RTN4: variants seen among roughly 807,000 people sequenced by gnomAD.
The protein encoded by RTN4 is reticulon 4, also known as reticulon-4.
Under a neutral mutation model 90.4 loss-of-function variants are expected in RTN4, and 32 were observed. That is an observed-to-expected ratio of 0.35 (90% CI 0.27 to 0.48). The LOEUF (loss-of-function observed/expected upper bound fraction) is 0.48, where lower values mean the gene tolerates loss of function less well. Ranked by LOEUF, RTN4 falls within the 20% of genes least tolerant of loss-of-function variation. RTN4 has a pLI of 0.99. For synonymous variants in RTN4, 629 were observed against 552.5 expected (o/e 1.14, Z -1.94); for missense variants, 1,706 against 1,430.2 (o/e 1.19, Z -3.11).
chr2:55,085,708 T>C (rs935180694), intron 1 of RTN4, among the ~76,000 whole-genome samples: 7 of 152,128 alleles, frequency 4.6e-5, no homozygotes, highest in Admixed American at 6.6e-5. Flanking sequence ...CCAATCTACA[T>C]AGAAAAAAAT....
the RTN4 span, among the ~76,000 whole-genome samples, chr2:55,119,402 T>C: frequency 1.3e-5 from 2 of 152,194 alleles, no homozygotes; most frequent in Non-Finnish European, 2.9e-5. Flanking sequence ...CAGTTTTAAA[T>C]GAATCCACCT....
chr2:54,973,042 C>T lies in RTN4; in HGVS notation c.*114G>A, dbSNP rs192549959. On this transcript the variant is annotated 3_prime_UTR_variant, in exon 9 of 9. Coordinates refer to ENST00000337526, the MANE Select transcript of RTN4 (RefSeq NM_020532.5). ...ATGGCTAAAAATAAAGATCTAACAACGATCTGTGAAACTGCACTGCAACGT... is the reference window on the plus strand; with the variant it reads ...ATGGCTAAAAATAAAGATCTAACAATGATCTGTGAAACTGCACTGCAACGT... 1.7e-3 allele frequency: 1,362 copies of T among 794,984 alleles called. No homozygotes were observed. Among genetic ancestry groups the T allele is most frequent in the Non-Finnish European group, 2.5e-3 (1,220 of 483,922 alleles). The allele number at this position is 794,984 out of a possible 1,614,324, so 49.2% of individuals were successfully genotyped here. A position where few individuals can be genotyped will look rare whatever the true frequency, so the allele number is the denominator to read the frequency against.
At chr2:54,992,493 A>G (rs550642048) in intron 3 of RTN4, among the ~76,000 whole-genome samples, 1 of 152,328 alleles carries the variant, frequency 6.6e-6, no homozygotes, top group South Asian at 2.1e-4. Context: ...TTTTAATGTG[A>G]ATATTTCACC....
At chr2:54,985,954 C>T (rs1025189017) in intron 4 of RTN4, among the ~76,000 whole-genome samples, 5 of 152,198 alleles carry the variant, frequency 3.3e-5, no homozygotes, top group Non-Finnish European at 7.4e-5. Flanking sequence ...AAACAATTAA[C>T]ATTTCAAAGG....
chr2:55,005,806 A>T (rs1327475001), intron 3 of RTN4, among the ~76,000 whole-genome samples: 1 of 152,158 alleles, frequency 6.6e-6, no homozygotes, highest in Non-Finnish European at 1.5e-5. Context: ...TACATGTTAT[A>T]CCCATAGGCT....
chr2:55,040,804 G>T (rs1274011765), intron 1 of RTN4, among the ~76,000 whole-genome samples: 4 of 151,122 alleles, frequency 2.6e-5, no homozygotes, highest in Non-Finnish European at 5.9e-5. Flanking sequence ...AAAAAAAAAA[G>T]GAATATATTA....
chr2:55,075,316 C>T (rs369812138), intron 2 of RTN4, among the ~76,000 whole-genome samples: 1 of 152,272 alleles, frequency 6.6e-6, no homozygotes, highest in Admixed American at 6.5e-5. Flanking sequence ...AGAACTCAAC[C>T]CCTTTTACAA....
rs200488094 is a variant in RTN4 at position 55,026,209 on chromosome 2, G to A, written c.1890C>T (p.Ser630=). The A allele has an allele frequency of 3.3e-5, 53 of 1,613,452 alleles. No homozygotes were observed. Among genetic ancestry groups the A allele is most frequent in the Non-Finnish European group, 4.0e-5 (47 of 1,179,844 alleles). The change falls in exon 3 of 9, where the codon TCC becomes TCT. Residue 630 remains serine, a synonymous_variant. Coordinates refer to ENST00000337526, the MANE Select transcript of RTN4 (RefSeq NM_020532.5). ...LNSAVPSAGA[S]VIQPSSSPLE... The stretch of plus-strand genomic sequence containing the variant: ...ATGGTGATGAGCTGGGCTGTATCAC[G>A]GAAGCACCAGCACTAGGAACTGCAG...
rs71769973 is a variant in RTN4 at position 54,985,153 on chromosome 2, C to CTTTTTTT, written c.3221+2331_3221+2337dup. Among the ~76,000 whole-genome samples the CTTTTTTT allele has an allele frequency of 4.1e-4, 24 of 57,896 alleles. 4 individuals carry two copies. Among genetic ancestry groups the CTTTTTTT allele is most frequent in the African/African-American group, 1.1e-3 (15 of 13,904 alleles). 38.0% of individuals were successfully genotyped at this position (57,896 alleles called of 152,430 possible). On this transcript the variant is annotated intron_variant, in intron 4 of 8. Transcript: ENST00000337526. ...TGGCTTGATAATAATATGACTCGGC[C>CTTTTTTT]TTTTTTTTTTTTTTTTTTTTTTTTT...
rs559762953 is a variant in RTN4, at chr2:55,109,500, A to C, written c.-214+3020T>G. On this transcript the variant is annotated intron_variant, in intron 1 of 3. Transcript: ENST00000427710. ...GCTAGGTAGGCCTTGAATAGAAAAA[A>C]GGGTAACTCAGCTTTGACAAGGACA... Among the ~76,000 whole-genome samples the C allele has an allele frequency of 1.6e-4, 24 of 152,274 alleles. No homozygotes were observed. In the South Asian group the frequency reaches 3.5e-3, roughly 22 times the overall value.
chr2:54,989,369 A>C (rs1365723635), intron 3 of RTN4, among the ~76,000 whole-genome samples: 1 of 152,190 alleles, frequency 6.6e-6, no homozygotes, highest in African/African-American at 2.4e-5. Flanking sequence ...AAATATTCCC[A>C]AACTTGTTTG....
rs187786676 is a variant in RTN4, at chr2:55,092,313, G to A, written c.-213-11674C>T. Among the ~76,000 whole-genome samples, 598 of 149,054 alleles carry A rather than the reference G, an allele frequency of 4.0e-3. 7 individuals are homozygous for A. Among genetic ancestry groups the A allele is most frequent in the African/African-American group, 0.014 (560 of 40,318 alleles). On this transcript the variant is annotated intron_variant, in intron 1 of 3. Coordinates refer to the RTN4 transcript ENST00000427710. ...TGTAATGGCATGATCTCAGCTCACC[G>A]TAACCTCCACCTCCTGGGTTCAAGC...
chr2:55,001,403 C>T (rs906061351), intron 3 of RTN4, among the ~76,000 whole-genome samples: 1 of 152,106 alleles, frequency 6.6e-6, no homozygotes, highest in Non-Finnish European at 1.5e-5. Flanking sequence ...TTGAGGAGTA[C>T]AAGATTCTCT....
At chr2:54,993,719 T>C (rs1198542054) in intron 3 of RTN4, among the ~76,000 whole-genome samples, 1 of 152,156 alleles carries the variant, frequency 6.6e-6, no homozygotes. Flanking sequence ...CTAGGAATGC[T>C]CTGGTGGAGC....
At chr2:54,997,619 G>A (rs1679533966) in intron 3 of RTN4, among the ~76,000 whole-genome samples, 1 of 152,154 alleles carries the variant, frequency 6.6e-6, no homozygotes, top group African/African-American at 2.4e-5. Flanking sequence ...ATCAAGTGAT[G>A]AATGGATTGT....
At chr2:55,127,738 C>T in the RTN4 span, among the ~76,000 whole-genome samples, 1 of 152,294 alleles carries the variant, frequency 6.6e-6, no homozygotes, top group East Asian at 1.9e-4. Context: ...GATTCTGTTC[C>T]ACTGTTCTAT....
the RTN4 span, among the ~76,000 whole-genome samples, chr2:55,129,399 CTG>C: frequency 6.6e-6 from 1 of 151,910 alleles, no homozygotes; most frequent in African/African-American, 2.4e-5. Flanking sequence ...CATAGAGAGA[CTG>C]TGTCTCTCTA....
At chr2:55,069,848 A>G (rs572092619) in intron 2 of RTN4, among the ~76,000 whole-genome samples, 2 of 152,362 alleles carry the variant, frequency 1.3e-5, no homozygotes, top group East Asian at 3.9e-4. Flanking sequence ...GTCAAAGAGG[A>G]AAAAGAGAGA....
intron 1 of RTN4, among the ~76,000 whole-genome samples, chr2:55,084,896 CT>C (rs1668808546): frequency 6.6e-6 from 1 of 152,160 alleles, no homozygotes; most frequent in Admixed American, 6.5e-5. Flanking sequence ...GTGATCCCCC[CT>C]GACACTCAGC....
Sources: gnomAD v4.1 joint callset for allele counts (sites outside exome capture counted in the v4.1 genomes callset) on GRCh38, gnomAD v4.1.1 for gene constraint, MANE v1.5 for transcripts, NCBI Gene and HGNC (gene_info 2026-07-23, HGNC 2026-07-21) for gene names.